Variants in USH2A observed in about 807,000 individuals in gnomAD.
USH2A encodes the protein Usher syndrome 2A (autosomal recessive, mild).
A neutral mutation model predicts 538.9 loss-of-function variants in USH2A; 443 were observed. That is an observed-to-expected ratio of 0.82 (90% CI 0.76 to 0.89). The LOEUF (loss-of-function observed/expected upper bound fraction) is 0.89, where lower values mean the gene tolerates loss of function less well. Among genes scored for constraint, USH2A ranks in the 40% least tolerant of loss-of-function variants. The probability of loss-of-function intolerance (pLI) is 0.00; values close to 1 mark genes in which losing one functional copy is unlikely to be tolerated. For synonymous variants in USH2A, 2,413 were observed against 2,273.5 expected, an observed-to-expected ratio of 1.06 and a Z score of -1.75; for missense variants, 6,633 against 6,324.8, an observed-to-expected ratio of 1.05 and a Z score of -1.65.
At chr1:215,983,426 A>G (rs1667798467) in intron 35 of USH2A, among the ~76,000 whole-genome samples, 1 of 152,210 alleles carries the variant, frequency 6.6e-6, no homozygotes, top group Admixed American at 6.5e-5. Context: ...AAAATTAAAT[A>G]TGATGGGTTT....
chr1:215,978,024 G>A (rs914970198), intron 35 of USH2A, among the ~76,000 whole-genome samples: 2 of 152,152 alleles, frequency 1.3e-5, no homozygotes, highest in African/African-American at 4.8e-5. Context: ...CTATTTGAGA[G>A]GCTGACGTGG....
intron 32 of USH2A, among the ~76,000 whole-genome samples, chr1:216,021,690 A>G (rs544019650): frequency 5.9e-5 from 9 of 152,214 alleles, no homozygotes; most frequent in African/African-American, 2.2e-4. Flanking sequence ...CTTACAATAA[A>G]TCTCTCTTTC....
intron 38 of USH2A, among the ~76,000 whole-genome samples, chr1:215,906,375 G>A (rs1665640699): frequency 6.6e-6 from 1 of 152,086 alleles, no homozygotes; most frequent in African/African-American, 2.4e-5. Flanking sequence ...TACGGAATAA[G>A]GTGAGGCTCA....
chr1:215,776,091 G>A (rs913252243), intron 55 of USH2A, among the ~76,000 whole-genome samples: 6 of 152,046 alleles, frequency 3.9e-5, no homozygotes, highest in East Asian at 1.9e-4. Flanking sequence ...GGAGGCCTAC[G>A]TATAATGTAG....
At chr1:216,377,747 AAAAG>A (rs1272680335) in intron 3 of USH2A, among the ~76,000 whole-genome samples, 22 of 143,200 alleles carry the variant, frequency 1.5e-4, no homozygotes, top group South Asian at 1.4e-3. Flanking sequence ...AAAGAAAAAA[AAAAG>A]AAAGAAAGAA....
chr1:216,049,967 A>G (rs1010600903), intron 30 of USH2A, among the ~76,000 whole-genome samples: 4 of 152,110 alleles, frequency 2.6e-5, no homozygotes, highest in African/African-American at 9.7e-5. Flanking sequence ...ATATACACAC[A>G]TGTGTGACCA....
rs533933570 is a variant in USH2A, at chr1:216,259,611, C to T, written c.1972-8513G>A. ...TTCAAAGATTAATAAAATTAAGACA[C>T]GATTTATCCATGAGGAATACTAGGG... On this transcript the variant is annotated intron_variant, in intron 11 of 71. Transcript: ENST00000307340. 5.4e-4 allele frequency among the ~76,000 whole-genome samples: 82 copies of T among 152,068 alleles called. No homozygotes were observed. In the South Asian group the frequency reaches 5.4e-3, roughly 10 times the overall value.
At position 215,743,210 on chromosome 1, in the gene USH2A, G is replaced by A. The variant is rs2102727387; in HGVS notation, c.11515C>T (p.Gln3839Ter). Residue 3839 changes from glutamine (Q) to a stop codon, truncating the protein, a stop_gained, in exon 59 of 72, where the codon CAG becomes TAG. Transcript: ENST00000307340. LOFTEE classifies it high-confidence loss of function. ...CATGCTTGTATCCTTATCTCATACT[G>A]TGTGAATGGAGTCAAATTTTCCAGA... Reference protein sequence around the residue: ...TLLENLTPFTQYEIRIQACQN... With the variant: ...TLLENLTPFT 6.2e-7 allele frequency: 1 copy of A among 1,611,972 alleles called. No individual in the cohort carries two copies. Among genetic ancestry groups the A allele is most frequent in the South Asian group, 1.1e-5 (1 of 91,028 alleles).
intron 27 of USH2A, among the ~76,000 whole-genome samples, chr1:216,075,446 T>G (rs1011499181): frequency 6.6e-6 from 1 of 152,188 alleles, no homozygotes; most frequent in East Asian, 1.9e-4. Flanking sequence ...TCCACTACCC[T>G]TGTGAGAATC....
chr1:216,361,638 A>C (rs905919825), intron 4 of USH2A, among the ~76,000 whole-genome samples: 2 of 152,186 alleles, frequency 1.3e-5, no homozygotes, highest in Non-Finnish European at 2.9e-5. Context: ...ACATGAAAAG[A>C]TCTCAGTATC....
intron 20 of USH2A, among the ~76,000 whole-genome samples, chr1:216,183,509 G>A (rs1441400228): frequency 2.0e-5 from 3 of 151,576 alleles, no homozygotes; most frequent in African/African-American, 4.8e-5. Context: ...GACAACCTAC[G>A]ACTCACCAAC....
chr1:216,268,403 G>T (rs766132207), intron 11 of USH2A, among the ~76,000 whole-genome samples: 2 of 152,058 alleles, frequency 1.3e-5, no homozygotes, highest in Non-Finnish European at 1.5e-5. Context: ...GATTAACTGA[G>T]ATTATTAATG....
At chr1:216,011,629 A>C (rs12034192) in intron 32 of USH2A, among the ~76,000 whole-genome samples, 72,615 of 151,774 alleles carry the variant, frequency 0.48, 17,914 homozygotes, top group East Asian at 0.7. Flanking sequence ...TAGCCTAGCC[A>C]TCATGTCTCC....
Position 215,894,212 on chromosome 1 carries a change from C to A in USH2A, c.7595-5158G>T, listed in dbSNP as rs540060304. Among the ~76,000 whole-genome samples, 3 of 152,232 alleles carry A rather than the reference C, an allele frequency of 2.0e-5. No homozygotes were observed. The East Asian group carries it at 5.8e-4, about 29-fold the overall frequency. ...CTGAAACTTGTAGTTCCTCTTTCTTCATTAAATAAAATGTACTCATATAAA... is the reference window on the plus strand; with the variant it reads ...CTGAAACTTGTAGTTCCTCTTTCTTAATTAAATAAAATGTACTCATATAAA... On this transcript the variant is annotated intron_variant, in intron 40 of 71. Coordinates refer to ENST00000307340, the MANE Select transcript of USH2A (RefSeq NM_206933.4).
rs146724232 is a variant in USH2A, at chr1:215,720,365, G to A, written c.12066+7665C>T. Among the ~76,000 whole-genome samples, 58 of 152,282 alleles carry A rather than the reference G, an allele frequency of 3.8e-4. No individual in the cohort carries two copies. The East Asian group carries it at 7.5e-3, about 20-fold the overall frequency. Reference sequence around the variant, plus strand: ...GATGAACAGTCTGGTCTTGGCAAGAGGCTTCCTACTGCACTGATGAAATTC... The same window carrying A: ...GATGAACAGTCTGGTCTTGGCAAGAAGCTTCCTACTGCACTGATGAAATTC... On this transcript the variant is annotated intron_variant, in intron 61 of 71. Transcript: ENST00000307340.
chr1:215,844,446 C>G lies in USH2A; in HGVS notation c.9106G>C (p.Val3036Leu). The G allele has an allele frequency of 1.2e-6, 2 of 1,612,774 alleles. No individual in the cohort carries two copies. The highest frequency in any genetic ancestry group is 1.7e-6 in the Non-Finnish European group (2 of 1,179,854). ...GAAGGAGATGTCCAGATGACACGTA[C>G]AGCTGTACTGTTGATGATGACAACC... ...PEVVIINSTA[V>L]RVIWTSPSNP... is the part of the protein sequence containing the mutation. Residue 3036 changes from valine to leucine, a missense_variant, in exon 46 of 72, where the codon GTA (valine) becomes CTA (leucine). Physicochemically the swap from Val to Leu is conservative, Grantham distance 32 (BLOSUM62 1). Transcript: ENST00000307340.
intron 64 of USH2A, among the ~76,000 whole-genome samples, chr1:215,659,180 G>A (rs1355255769): frequency 2.6e-5 from 4 of 152,238 alleles, no homozygotes; most frequent in East Asian, 1.9e-4. Flanking sequence ...AGGTGATAGA[G>A]CAGAAAATGG....
intron 60 of USH2A, among the ~76,000 whole-genome samples, chr1:215,734,970 T>C (rs73088851): frequency 0.045 from 6,912 of 152,302 alleles, 491 homozygotes; most frequent in African/African-American, 0.15. Flanking sequence ...CGTTACCCAT[T>C]TCCAAAGTCA....
intron 38 of USH2A, among the ~76,000 whole-genome samples, chr1:215,919,522 T>C (rs1666044432): frequency 6.6e-6 from 1 of 152,074 alleles, no homozygotes; most frequent in Non-Finnish European, 1.5e-5. Context: ...GGATTCACAC[T>C]CTTTATGAGC....
Sources: gnomAD v4.1 joint callset for allele counts (sites outside exome capture counted in the v4.1 genomes callset) on GRCh38, gnomAD v4.1.1 for gene constraint, MANE v1.5 for transcripts, NCBI Gene and HGNC (gene_info 2026-07-23, HGNC 2026-07-21) for gene names.